The following BNC2 variants were observed in gnomAD, a reference collection of about 807,000 sequenced individuals.
BNC2 encodes zinc finger protein basonuclin-2.
A neutral mutation model predicts 76.3 loss-of-function variants in BNC2; 20 were observed. The ratio of observed to expected loss-of-function variants is 0.26; its 90% CI spans 0.18 to 0.38. The LOEUF is 0.38. BNC2 is among the 10% of genes least tolerant of loss of function. The pLI is 1.00. For synonymous variants in BNC2, 582 were observed against 514.8 expected, an observed-to-expected ratio of 1.13 and a Z score of -1.77; for missense variants, 1,382 against 1,399.8, an observed-to-expected ratio of 0.99 and a Z score of 0.20.
intron 3 of BNC2, among the ~76,000 whole-genome samples, chr9:16,706,367 G>A (rs967916993): frequency 2.6e-5 from 4 of 152,128 alleles, no homozygotes; most frequent in African/African-American, 9.7e-5. Flanking sequence ...ATTCTAAAAA[G>A]CACAAAGTCC....
intron 1 of BNC2, among the ~76,000 whole-genome samples, chr9:16,858,531 C>T (rs1259539069): frequency 6.6e-6 from 1 of 152,136 alleles, no homozygotes; most frequent in Non-Finnish European, 1.5e-5. Flanking sequence ...CAAGAATAGA[C>T]AAATGGAACT....
chr9:16,696,092 T>G (rs536136493), intron 3 of BNC2, among the ~76,000 whole-genome samples: 2 of 152,284 alleles, frequency 1.3e-5, no homozygotes, highest in East Asian at 3.9e-4. Context: ...TTCTAACAAG[T>G]ACATGCTCAG....
At chr9:16,562,798 G>A (rs185090115) in intron 4 of BNC2, among the ~76,000 whole-genome samples, 57 of 152,134 alleles carry the variant, frequency 3.7e-4, no homozygotes, top group Non-Finnish European at 6.6e-4. Flanking sequence ...ACATGGAACC[G>A]TATTTATCAA....
intron 5 of BNC2, among the ~76,000 whole-genome samples, chr9:16,453,730 C>A (rs1176448931): frequency 6.6e-6 from 1 of 152,172 alleles, no homozygotes; most frequent in Non-Finnish European, 1.5e-5. Context: ...GGCAGGAGAA[C>A]TGCTTGAACC....
intron 3 of BNC2, among the ~76,000 whole-genome samples, chr9:16,684,408 T>C (rs77094367): frequency 6.6e-6 from 1 of 152,004 alleles, no homozygotes. Context: ...CAGTACCAGT[T>C]TGGGGCACAG....
chr9:16,668,721 G>A (rs1000502020), intron 3 of BNC2, among the ~76,000 whole-genome samples: 2 of 152,178 alleles, frequency 1.3e-5, no homozygotes, highest in African/African-American at 4.8e-5. Context: ...AGGAAGAATT[G>A]GCAGGGTGGT....
At position 16,816,779 on chromosome 9, in the gene BNC2, T is replaced by C. The variant is rs148715193; in HGVS notation, c.3+53867A>G. On this transcript the variant is annotated intron_variant, in intron 1 of 6. Transcript: ENST00000380672. Reference sequence around the variant, plus strand: ...AAACTGGGAGGCTCAGGCCCAAGTATGTAGTCTTACATGTGCGGTCTAAAG... The same window carrying C: ...AAACTGGGAGGCTCAGGCCCAAGTACGTAGTCTTACATGTGCGGTCTAAAG... Among the ~76,000 whole-genome samples the C allele has an allele frequency of 1.3e-3, 195 of 152,326 alleles. 2 individuals are homozygous for C. The highest frequency in any genetic ancestry group is 4.4e-3 in the African/African-American group (181 of 41,584).
chr9:16,485,036 T>C (rs1207074995), intron 5 of BNC2, among the ~76,000 whole-genome samples: 2 of 152,046 alleles, frequency 1.3e-5, no homozygotes, highest in African/African-American at 2.4e-5. Context: ...GGTTTCATAA[T>C]GCCCTTAACA....
chr9:16,642,636 T>G (rs1821520495), intron 3 of BNC2, among the ~76,000 whole-genome samples: 3 of 152,208 alleles, frequency 2.0e-5, no homozygotes, highest in Non-Finnish European at 4.4e-5. Flanking sequence ...AGGAAGACTG[T>G]CATCACTAAT....
intron 3 of BNC2, among the ~76,000 whole-genome samples, chr9:16,679,271 T>C (rs1166256256): frequency 1.3e-5 from 2 of 152,118 alleles, no homozygotes; most frequent in Non-Finnish European, 2.9e-5. Flanking sequence ...CTATACTCCA[T>C]ACCGTAGGAA....
chr9:16,778,218 G>C (rs989038263), intron 1 of BNC2, among the ~76,000 whole-genome samples: 1 of 152,138 alleles, frequency 6.6e-6, no homozygotes. Context: ...CTCATAATGA[G>C]GATATTGTAA....
intron 3 of BNC2, among the ~76,000 whole-genome samples, chr9:16,636,552 C>T (rs1344273435): frequency 2.0e-5 from 3 of 152,142 alleles, no homozygotes; most frequent in Admixed American, 6.6e-5. Flanking sequence ...ATCCTCCTAC[C>T]TCGGCCTCCC....
At chr9:16,777,542 T>C (rs10962586) in intron 1 of BNC2, among the ~76,000 whole-genome samples, 15,691 of 151,488 alleles carry the variant, frequency 0.1, 1,115 homozygotes, top group Non-Finnish European at 0.16. Context: ...CCACTAAAAA[T>C]ACAAAAAAAT....
At chr9:16,865,712 C>T (rs193063843) in intron 1 of BNC2, among the ~76,000 whole-genome samples, 75 of 151,906 alleles carry the variant, frequency 4.9e-4, no homozygotes, top group Admixed American at 9.8e-4. Context: ...TTGTTATGTA[C>T]GGATATTTTT....
chr9:16,812,569 C>A (rs1186204704), intron 1 of BNC2, among the ~76,000 whole-genome samples: 2 of 152,164 alleles, frequency 1.3e-5, no homozygotes, highest in African/African-American at 4.8e-5. Flanking sequence ...TTACTTCACA[C>A]CAGGGGGAAG....
intron 1 of BNC2, among the ~76,000 whole-genome samples, chr9:16,743,709 G>A (rs1168981991): frequency 6.6e-6 from 1 of 152,196 alleles, no homozygotes; most frequent in African/African-American, 2.4e-5. Flanking sequence ...TGAAAATGAA[G>A]GTTTGGGGTT....
chr9:16,651,593 T>C (rs1821795522), intron 3 of BNC2, among the ~76,000 whole-genome samples: 1 of 152,128 alleles, frequency 6.6e-6, no homozygotes, highest in Non-Finnish European at 1.5e-5. Context: ...GTTAAATTAC[T>C]GAAAAGGGTG....
rs1820523233 is a variant in BNC2, at chr9:16,413,693, A to G, written c.*5296T>C. 6.6e-6 allele frequency: 1 copy of G among 152,240 alleles called. No homozygotes were observed. The highest frequency in any genetic ancestry group is 2.1e-4 in the South Asian group (1 of 4,828). 9.4% of individuals were successfully genotyped at this position (152,240 alleles called of 1,614,324 possible). On this transcript the variant is annotated 3_prime_UTR_variant, in exon 7 of 7. Coordinates refer to ENST00000380672, the MANE Select transcript of BNC2 (RefSeq NM_017637.6). Reference sequence around the variant, plus strand: ...GTGAGCAACACTCCAGCTACAGGAAATATGCGACTCGTCTGGGACAGATCA... The same window carrying G: ...GTGAGCAACACTCCAGCTACAGGAAGTATGCGACTCGTCTGGGACAGATCA...
intron 1 of BNC2, among the ~76,000 whole-genome samples, chr9:16,806,370 C>T (rs2135799062): frequency 6.6e-6 from 1 of 151,022 alleles, no homozygotes; most frequent in East Asian, 2.0e-4. Context: ...TAGTTTCTTT[C>T]TAAAAAAGAA....
Sources: gnomAD v4.1 joint callset for allele counts (sites outside exome capture counted in the v4.1 genomes callset) on GRCh38, gnomAD v4.1.1 for gene constraint, MANE v1.5 for transcripts, NCBI Gene and HGNC (gene_info 2026-07-23, HGNC 2026-07-21) for gene names.